Variants in CYRIA observed in about 807,000 individuals in gnomAD.
CYRIA encodes the protein CYFIP-related Rac1 interactor A.
A neutral mutation model predicts 43.9 loss-of-function variants in CYRIA; 15 were observed. The ratio of observed to expected loss-of-function variants is 0.34; its 90% CI spans 0.23 to 0.53. The LOEUF is 0.53. Among genes scored for constraint, CYRIA ranks in the 20% least tolerant of loss-of-function variants. CYRIA has a pLI of 0.94. For missense variants in CYRIA, 236 were observed against 394.2 expected, an observed-to-expected ratio of 0.60 and a Z score of 3.40; for synonymous variants, 117 against 136.0, an observed-to-expected ratio of 0.86 and a Z score of 0.97.
intron 3 of CYRIA, among the ~76,000 whole-genome samples, chr2:16,586,641 A>C (rs990604415): frequency 1.6e-4 from 18 of 112,392 alleles, no homozygotes; most frequent in African/African-American, 7.6e-4. Flanking sequence ...AAACCTGCCA[A>C]AGACACCAAA....
In CYRIA at chr2:16,647,039, A is replaced by G. The variant is rs558828847; in HGVS notation, c.-167+18741T>C. Among the ~76,000 whole-genome samples the G allele has an allele frequency of 1.4e-4, 21 of 152,320 alleles. No homozygotes were observed. In the South Asian group the frequency reaches 4.1e-3, roughly 30 times the overall value. On this transcript the variant is annotated intron_variant, in intron 1 of 11. Coordinates refer to ENST00000381323, the MANE Select transcript of CYRIA (RefSeq NM_030797.4). ...CTGAGCCCCTATAACCATGTTGGTT[A>G]ATTACTTAAATAAATCTCTTTCTAT...
At chr2:16,660,066 C>T (rs1010590392) in intron 1 of CYRIA, among the ~76,000 whole-genome samples, 1 of 152,128 alleles carries the variant, frequency 6.6e-6, no homozygotes, top group Admixed American at 6.5e-5. Context: ...CTTGAAAACA[C>T]ACTTGGTTCT....
intron 2 of CYRIA, among the ~76,000 whole-genome samples, chr2:16,611,243 T>A (rs936094503): frequency 1.3e-5 from 2 of 150,656 alleles, no homozygotes; most frequent in Non-Finnish European, 3.0e-5. Flanking sequence ...CATGTGCCTG[T>A]AGTCCCAGCT....
intron 3 of CYRIA, among the ~76,000 whole-genome samples, chr2:16,571,627 T>C (rs1187680159): frequency 6.6e-6 from 1 of 152,220 alleles, no homozygotes; most frequent in African/African-American, 2.4e-5. Flanking sequence ...GAAAACACCA[T>C]TTACATAGAG....
At chr2:16,590,234 C>T (rs1667877596) in intron 2 of CYRIA, among the ~76,000 whole-genome samples, 1 of 152,076 alleles carries the variant, frequency 6.6e-6, no homozygotes, top group African/African-American at 2.4e-5. Context: ...GTAGGTTCTG[C>T]CAAATTAAAG....
intron 1 of CYRIA, among the ~76,000 whole-genome samples, chr2:16,635,885 C>T (rs1268183717): frequency 6.6e-6 from 1 of 152,174 alleles, no homozygotes. Flanking sequence ...TTTTTAAAGA[C>T]AATCCTTTTC....
rs1669951983 is a variant in CYRIA at position 16,650,733 on chromosome 2, G to A, written c.-167+15047C>T. 6.6e-6 allele frequency among the ~76,000 whole-genome samples: 1 copy of A among 152,114 alleles called. No individual in the cohort carries two copies. Among genetic ancestry groups the A allele is most frequent in the South Asian group, 2.1e-4 (1 of 4,826 alleles). ...CATTACATGCCTGCAACCGGCACCG[G>A]GAATGGCAACAATCAGAGGGTGTGT... On this transcript the variant is annotated intron_variant, in intron 1 of 11. Coordinates refer to ENST00000381323, the MANE Select transcript of CYRIA (RefSeq NM_030797.4). This position sits in a 1 kb window ranked among gnomAD's most constrained non-coding sequence, Gnocchi z 4.1.
intron 3 of CYRIA, among the ~76,000 whole-genome samples, chr2:16,582,279 A>G (rs775771876): frequency 3.3e-5 from 5 of 152,248 alleles, no homozygotes; most frequent in African/African-American, 4.8e-5. Flanking sequence ...TAATGTCAGC[A>G]TTAGGCAGAA....
chr2:16,591,761 A>G (rs997816156), intron 2 of CYRIA, among the ~76,000 whole-genome samples: 38 of 152,096 alleles, frequency 2.5e-4, no homozygotes, highest in African/African-American at 8.0e-4. Flanking sequence ...ACGGCAATCC[A>G]GCAGGCACTC....
chr2:16,557,690 G>A (rs746078343), intron 10 of CYRIA, among the ~76,000 whole-genome samples: 3 of 152,120 alleles, frequency 2.0e-5, no homozygotes, highest in African/African-American at 4.8e-5. Flanking sequence ...AAGACTATGC[G>A]TGAAGACTTA....
chr2:16,634,606 T>A (rs1381153775), intron 1 of CYRIA, among the ~76,000 whole-genome samples: 1 of 152,224 alleles, frequency 6.6e-6, no homozygotes, highest in Non-Finnish European at 1.5e-5. Context: ...AGAGAAGTTA[T>A]CAAAAACTCT....
intron 2 of CYRIA, among the ~76,000 whole-genome samples, chr2:16,605,015 C>T (rs1668345718): frequency 6.6e-6 from 1 of 152,096 alleles, no homozygotes; most frequent in Non-Finnish European, 1.5e-5. Flanking sequence ...GAGAAAATGC[C>T]TTGAATATTC....
chr2:16,570,515 GT>G (rs1667091828), intron 3 of CYRIA, among the ~76,000 whole-genome samples: 2 of 152,218 alleles, frequency 1.3e-5, no homozygotes, highest in South Asian at 2.1e-4. Context: ...AGGCTTTGGA[GT>G]CTTACACTTG....
intron 3 of CYRIA, among the ~76,000 whole-genome samples, chr2:16,574,473 G>C (rs1277468566): frequency 6.6e-6 from 1 of 152,196 alleles, no homozygotes; most frequent in African/African-American, 2.4e-5. Context: ...GACAACAATG[G>C]GGAAAATGTC....
At chr2:16,614,088 A>G (rs964821397) in intron 2 of CYRIA, among the ~76,000 whole-genome samples, 18 of 152,252 alleles carry the variant, frequency 1.2e-4, no homozygotes, top group African/African-American at 4.1e-4. Flanking sequence ...CCACAAGCTT[A>G]TCAGAATGAG....
chr2:16,665,191 T>C (rs1002041204), intron 1 of CYRIA, among the ~76,000 whole-genome samples: 6 of 152,224 alleles, frequency 3.9e-5, no homozygotes, highest in South Asian at 2.1e-4. Context: ...AAGCTCAGTA[T>C]TGGAAAAGTG....
intron 2 of CYRIA, among the ~76,000 whole-genome samples, chr2:16,616,441 C>A (rs1346864775): frequency 2.0e-5 from 3 of 152,228 alleles, no homozygotes; most frequent in African/African-American, 7.2e-5. Context: ...CGGGCTCCTG[C>A]TTCCACACTG....
At chr2:16,625,902 C>T (rs937743555) in intron 1 of CYRIA, 1 of 151,488 alleles carries the variant, frequency 6.6e-6, no homozygotes, top group Non-Finnish European at 1.5e-5. Context: ...GGGATGGATT[C>T]ACTCAGCTGG....
chr2:16,623,012 A>C (rs1327862543), intron 2 of CYRIA: 1 of 152,202 alleles, frequency 6.6e-6, no homozygotes, highest in African/African-American at 2.4e-5. Context: ...ATCTAGCTGA[A>C]AAAGAGCTTC....
Sources: allele counts gnomAD v4.1 joint callset (sites outside exome capture counted in the v4.1 genomes callset), GRCh38; gene constraint gnomAD v4.1.1; non-coding constraint Gnocchi (gnomAD v3.1); transcripts MANE v1.5; gene names NCBI Gene and HGNC (gene_info 2026-07-23, HGNC 2026-07-21).